The following ITIH5 variants were observed in gnomAD, a reference collection of about 807,000 sequenced individuals.
ITIH5 encodes the protein inter-alpha-trypsin inhibitor heavy chain H5.
ITIH5 carries 65 observed loss-of-function variants against 77.5 expected under a neutral mutation model. The ratio of observed to expected loss-of-function variants is 0.84; its 90% CI spans 0.69 to 1.03. The LOEUF (loss-of-function observed/expected upper bound fraction) is 1.03, where lower values mean the gene tolerates loss of function less well. Ranked by LOEUF, ITIH5 falls within the 50% of genes least tolerant of loss-of-function variation. The pLI is 0.00. For missense variants in ITIH5, 1,208 were observed against 1,213.1 expected (o/e 1.00, Z 0.06); for synonymous variants, 525 against 494.3 (o/e 1.06, Z -0.82).
intron 6 of ITIH5, 113 bp from the exon 7 acceptor site, chr10:7,616,211 G>C: frequency 1.5e-6 from 1 of 670,734 alleles, no homozygotes. Context: ...AAGAGTTTAG[G>C]GTGAGATTCC....
In ITIH5 at chr10:7,666,831, G is replaced by T. The variant is rs774929587; in HGVS notation, c.62C>A (p.Ala21Glu). Residue 21 changes from alanine to glutamate, a missense_variant, in exon 1 of 14, where the codon GCG becomes GAG. By Grantham distance (107) the Ala-to-Glu change is moderately radical (BLOSUM62 -1). Transcript: ENST00000397146. ...CTCCGAAGAGTGGCCCCAGCTCTGC[G>T]CCTCTTCCTGCGACCCCACACACAG... is the stretch of plus-strand genomic sequence containing the variant. ...LSLCVGSQEE[A>E]QSWGHSSEQD... 1.9e-6 allele frequency: 3 copies of T among 1,608,858 alleles called. No homozygotes were observed. The highest frequency in any genetic ancestry group is 2.7e-5 in the African/African-American group (2 of 74,476).
At chr10:7,625,972 C>T (rs1833571481) in intron 5 of ITIH5, among the ~76,000 whole-genome samples, 1 of 152,304 alleles carries the variant, frequency 6.6e-6, no homozygotes, top group East Asian at 1.9e-4. Flanking sequence ...TCACGTCCAG[C>T]TTGCGGAACA....
chr10:7,644,458 T>C (rs917839966), intron 2 of ITIH5, among the ~76,000 whole-genome samples: 4 of 143,516 alleles, frequency 2.8e-5, no homozygotes. Context: ...AGATCATATA[T>C]ATCACATATA....
At chr10:7,589,396 T>C (rs1175488869) in intron 7 of ITIH5, among the ~76,000 whole-genome samples, 1 of 152,114 alleles carries the variant, frequency 6.6e-6, no homozygotes, top group Non-Finnish European at 1.5e-5. Flanking sequence ...GCAGTGGAAG[T>C]TGCAGTGAGC....
At chr10:7,606,727 C>A (rs1433170692) in intron 7 of ITIH5, among the ~76,000 whole-genome samples, 11 of 152,086 alleles carry the variant, frequency 7.2e-5, no homozygotes, top group Non-Finnish European at 1.5e-4. Flanking sequence ...GCCTCTTAAA[C>A]CTAAAATAAA....
chr10:7,572,771 C>CTTTTTTTTTTTTTTTTT (rs528912890), intron 11 of ITIH5: 1 of 88,070 alleles, frequency 1.1e-5, no homozygotes, highest in Non-Finnish European at 2.1e-5. Context: ...TGGTTTTACA[C>CTTTTTTTTTTTTTTTTT]TTTTTTTTTT....
chr10:7,564,396 T>A (rs1832099311), intron 13 of ITIH5, among the ~76,000 whole-genome samples: 2 of 152,350 alleles, frequency 1.3e-5, no homozygotes, highest in South Asian at 4.1e-4. Flanking sequence ...GACATTTTAA[T>A]CAATGATGGA....
chr10:7,564,331 T>A (rs374472680), intron 13 of ITIH5, among the ~76,000 whole-genome samples: 1 of 152,244 alleles, frequency 6.6e-6, no homozygotes, highest in Non-Finnish European at 1.5e-5. Context: ...GTAATCGAAT[T>A]TTCATATTAC....
chr10:7,569,630 G>C, intron 12 of ITIH5, 38 bp downstream of exon 12: 2 of 1,372,796 alleles, frequency 1.5e-6, no homozygotes, highest in Admixed American at 1.9e-5. Flanking sequence ...TACCTACCTG[G>C]TCCTTGCCCA....
At chr10:7,567,969 C>G (rs1832221266) in intron 12 of ITIH5, among the ~76,000 whole-genome samples, 2 of 152,314 alleles carry the variant, frequency 1.3e-5, no homozygotes, top group South Asian at 2.1e-4. Context: ...CAGAAGGTAG[C>G]ATGTGTGTAA....
At chr10:7,624,913 A>ATATGTATATACGTATG (rs1833551314) in intron 5 of ITIH5, among the ~76,000 whole-genome samples, 1 of 143,086 alleles carries the variant, frequency 7.0e-6, no homozygotes, top group Non-Finnish European at 1.5e-5. Flanking sequence ...ACATATATAT[A>ATATGTATATACGTATG]TATATATATG....
chr10:7,600,205 G>A (rs576282263), intron 7 of ITIH5, among the ~76,000 whole-genome samples: 2 of 152,304 alleles, frequency 1.3e-5, no homozygotes, highest in African/African-American at 4.8e-5. Flanking sequence ...CAGTCATAAA[G>A]GGGGTAGGTT....
At chr10:7,569,510 A>G (rs766866613) in intron 12 of ITIH5, 158 bp downstream of exon 12, 27 of 467,820 alleles carry the variant, frequency 5.8e-5, no homozygotes, top group Non-Finnish European at 8.8e-5. Flanking sequence ...CGGATGCATA[A>G]GTCCAGGAGC....
intron 7 of ITIH5, among the ~76,000 whole-genome samples, chr10:7,597,345 C>T (rs1002720630): frequency 2.6e-5 from 4 of 152,056 alleles, no homozygotes; most frequent in Non-Finnish European, 4.4e-5. Flanking sequence ...GTAGTATGGC[C>T]CCGTCATCAC....
intron 2 of ITIH5, among the ~76,000 whole-genome samples, chr10:7,654,968 T>C (rs564629568): frequency 3.6e-5 from 2 of 55,912 alleles, no homozygotes; most frequent in Non-Finnish European, 4.0e-5. Flanking sequence ...AAAAAAAAAT[T>C]TTTTTTAATT....
At chr10:7,641,355 C>G (rs115874092) in intron 3 of ITIH5, among the ~76,000 whole-genome samples, 2,232 of 152,106 alleles carry the variant, frequency 0.015, 46 homozygotes, top group African/African-American at 0.051. Context: ...TCTGACTTGC[C>G]ATCTTTATCA....
chr10:7,627,330 TAA>T (rs55799504), intron 5 of ITIH5, among the ~76,000 whole-genome samples: 1,888 of 132,086 alleles, frequency 0.014, 30 homozygotes, highest in African/African-American at 0.034. Flanking sequence ...GAAGATAAAG[TAA>T]AAAAAAAAAA....
rs183835571 is a variant in ITIH5, at chr10:7,567,310, C to T, written c.2150-903G>A. The stretch of plus-strand genomic sequence containing the variant: ...CTACCAGAGGCTGCTGATCCTAATT[C>T]GGACATCTTTTATTATTATTATTAT... On this transcript the variant is annotated intron_variant, in intron 12 of 13. Transcript: ENST00000397146. Among the ~76,000 whole-genome samples, 55 of 110,128 alleles carry T rather than the reference C, an allele frequency of 5.0e-4. 1 individual carries two copies. The highest frequency in any genetic ancestry group is 7.8e-4 in the Non-Finnish European group (40 of 51,268). The allele number at this position is 110,128 out of a possible 152,430, so 72.2% of individuals were successfully genotyped here. A position where few individuals can be genotyped will look rare whatever the true frequency, so the allele number is the denominator to read the frequency against.
intron 8 of ITIH5, among the ~76,000 whole-genome samples, chr10:7,580,714 G>A (rs1313077557): frequency 1.3e-5 from 2 of 152,172 alleles, no homozygotes; most frequent in East Asian, 1.9e-4. Context: ...GCCGCAGAGG[G>A]GAGGAGGGGC....
Sources: allele counts gnomAD v4.1 joint callset (sites outside exome capture counted in the v4.1 genomes callset), GRCh38; gene constraint gnomAD v4.1.1; transcripts MANE v1.5; gene names NCBI Gene and HGNC (gene_info 2026-07-23, HGNC 2026-07-21).